Variants in ENOX1 observed in about 807,000 individuals in gnomAD.
ENOX1 encodes ecto-NOX disulfide-thiol exchanger 1.
In ENOX1, 42 loss-of-function variants were observed where a neutral mutation model predicts 82.5. That is an observed-to-expected ratio of 0.51 (90% CI 0.40 to 0.66). The LOEUF is 0.66. ENOX1 is among the 30% of genes least tolerant of loss of function. The pLI is 0.00. For synonymous variants in ENOX1, 271 were observed against 282.2 expected, an observed-to-expected ratio of 0.96 and a Z score of 0.40; for missense variants, 608 against 811.6, an observed-to-expected ratio of 0.75 and a Z score of 3.05.
chr13:43,628,668 T>C (rs1033584026), intron 2 of ENOX1, among the ~76,000 whole-genome samples: 1 of 152,190 alleles, frequency 6.6e-6, no homozygotes, highest in South Asian at 2.1e-4. Context: ...TAAAGAGAGA[T>C]TTTCAATTGA....
chr13:43,292,667 A>G (rs1452020108), intron 12 of ENOX1, among the ~76,000 whole-genome samples: 1 of 151,924 alleles, frequency 6.6e-6, no homozygotes, highest in Non-Finnish European at 1.5e-5. Context: ...TGCTCATTTT[A>G]TCTCTTTCCC....
intron 2 of ENOX1, among the ~76,000 whole-genome samples, chr13:43,502,815 C>T (rs954240793): frequency 4.6e-5 from 7 of 151,386 alleles, no homozygotes; most frequent in African/African-American, 1.5e-4. Flanking sequence ...CCACTCTTAC[C>T]ATTTCTATTC....
At chr13:43,651,723 A>G (rs919014731) in intron 2 of ENOX1, among the ~76,000 whole-genome samples, 27 of 151,658 alleles carry the variant, frequency 1.8e-4, no homozygotes, top group South Asian at 1.0e-3. Context: ...CTATAATCCC[A>G]GCACTTTGGG....
intron 2 of ENOX1, among the ~76,000 whole-genome samples, chr13:43,534,811 GTGC>G (rs1463099192): frequency 1.3e-5 from 2 of 152,152 alleles, no homozygotes; most frequent in Non-Finnish European, 2.9e-5. Context: ...GAAGTTAGGG[GTGC>G]TGCTAAATAC....
chr13:43,506,068 G>A lies in ENOX1; in HGVS notation c.-218-21916C>T, dbSNP rs545410080. Among the ~76,000 whole-genome samples, 40 of 152,052 alleles carry A rather than the reference G, an allele frequency of 2.6e-4. 1 individual carries two copies. Among genetic ancestry groups the A allele is most frequent in the African/African-American group, 9.4e-4 (39 of 41,506 alleles). On this transcript the variant is annotated intron_variant, in intron 2 of 16. Coordinates refer to ENST00000690772, the MANE Select transcript of ENOX1 (RefSeq NM_001347969.2). Reference sequence around the variant, plus strand: ...TCAAAGATCAGATAGTTGTAGATATGCGGCATTATTTCTGACGGCTCTGTT... The same window carrying A: ...TCAAAGATCAGATAGTTGTAGATATACGGCATTATTTCTGACGGCTCTGTT...
In ENOX1 at chr13:43,781,607, G is replaced by A. The variant is rs375949598; in HGVS notation, c.-285+5045C>T. ...TGGCTCACTGCAACCTCTGCCTCCC[G>A]GGTTCAAGCGATTCTCCTGCCTCAG... On this transcript the variant is annotated intron_variant, in intron 1 of 16. Coordinates refer to ENST00000690772, the MANE Select transcript of ENOX1 (RefSeq NM_001347969.2). 1.7e-4 allele frequency among the ~76,000 whole-genome samples: 26 copies of A among 152,050 alleles called. 1 individual carries two copies. Among genetic ancestry groups the A allele is most frequent in the East Asian group, 7.7e-4 (4 of 5,172 alleles).
intron 3 of ENOX1, among the ~76,000 whole-genome samples, chr13:43,456,517 C>T (rs1006597093): frequency 6.6e-6 from 1 of 152,130 alleles, no homozygotes; most frequent in Non-Finnish European, 1.5e-5. Context: ...CTCTGCCAAT[C>T]AGTCATTTTT....
chr13:43,491,028 A>C (rs558517570), intron 2 of ENOX1, among the ~76,000 whole-genome samples: 2 of 152,264 alleles, frequency 1.3e-5, no homozygotes, highest in Admixed American at 1.3e-4. Flanking sequence ...CATAAGCAAA[A>C]ATTTATTTTG....
In ENOX1 at chr13:43,224,038, A is replaced by G. The variant is rs2041916666; in HGVS notation, c.1800+15T>C. On this transcript the variant is annotated intron_variant, in intron 16 of 16. Coordinates refer to ENST00000690772, the MANE Select transcript of ENOX1 (RefSeq NM_001347969.2). The stretch of plus-strand genomic sequence containing the variant: ...AATTTGAGCAACGAAAGTTCACTCG[A>G]GCAAAATAATTTACCTTGGAGTCCA... 7.5e-6 allele frequency: 12 copies of G among 1,608,622 alleles called. No homozygotes were observed. Among genetic ancestry groups the G allele is most frequent in the Non-Finnish European group, 1.0e-5 (12 of 1,175,448 alleles).
intron 9 of ENOX1, among the ~76,000 whole-genome samples, chr13:43,340,087 A>G (rs994771920): frequency 6.6e-6 from 1 of 152,252 alleles, no homozygotes; most frequent in Non-Finnish European, 1.5e-5. Context: ...AATTCGGGAC[A>G]GGAAAGGAGA....
At chr13:43,494,041 A>C (rs2076711526) in intron 2 of ENOX1, among the ~76,000 whole-genome samples, 2 of 152,178 alleles carry the variant, frequency 1.3e-5, no homozygotes, top group African/African-American at 4.8e-5. Context: ...ATCTCGTGAG[A>C]ACTCACTATC....
At chr13:43,288,194 A>G (rs1194334853) in intron 12 of ENOX1, among the ~76,000 whole-genome samples, 2 of 152,110 alleles carry the variant, frequency 1.3e-5, no homozygotes, top group African/African-American at 4.8e-5. Context: ...AAATTTGGCA[A>G]CTCTTGTGAA....
intron 2 of ENOX1, among the ~76,000 whole-genome samples, chr13:43,573,913 G>A (rs2080298887): frequency 6.6e-6 from 1 of 152,152 alleles, no homozygotes; most frequent in East Asian, 1.9e-4. Flanking sequence ...AAAATACATT[G>A]TGCAATATTA....
At chr13:43,259,434 G>T (rs2043930384) in intron 14 of ENOX1, among the ~76,000 whole-genome samples, 1 of 152,156 alleles carries the variant, frequency 6.6e-6, no homozygotes, top group Non-Finnish European at 1.5e-5. Context: ...CCAAGCTAGT[G>T]CTTGCTGGGC....
chr13:43,488,731 T>G (rs2076517485), intron 2 of ENOX1, among the ~76,000 whole-genome samples: 1 of 152,180 alleles, frequency 6.6e-6, no homozygotes, highest in Non-Finnish European at 1.5e-5. Context: ...ATTACTTAAG[T>G]GTTTGTGAAC....
At chr13:43,238,485 T>G (rs2042658322) in intron 14 of ENOX1, among the ~76,000 whole-genome samples, 3 of 152,082 alleles carry the variant, frequency 2.0e-5, no homozygotes, top group Admixed American at 2.0e-4. Context: ...TCTAGGGTAG[T>G]GGGGTCAATG....
intron 2 of ENOX1, among the ~76,000 whole-genome samples, chr13:43,489,476 A>C (rs910449042): frequency 1.3e-5 from 2 of 152,204 alleles, no homozygotes; most frequent in African/African-American, 4.8e-5. Context: ...CTTGGGACCT[A>C]GGCATGAACT....
At chr13:43,624,743 A>G (rs1261104457) in intron 2 of ENOX1, among the ~76,000 whole-genome samples, 1 of 151,964 alleles carries the variant, frequency 6.6e-6, no homozygotes, top group Admixed American at 6.6e-5. Context: ...TGTGTTCTCT[A>G]TTTTCTTACA....
chr13:43,490,427 A>C (rs1258982643), intron 2 of ENOX1, among the ~76,000 whole-genome samples: 6 of 152,124 alleles, frequency 3.9e-5, no homozygotes, highest in Admixed American at 1.3e-4. Context: ...CTGGGATGGA[A>C]TCAATGTATT....
Sources: gnomAD v4.1 joint callset for allele counts (sites outside exome capture counted in the v4.1 genomes callset) on GRCh38, gnomAD v4.1.1 for gene constraint, MANE v1.5 for transcripts, NCBI Gene and HGNC (gene_info 2026-07-23, HGNC 2026-07-21) for gene names.